LINGO1: variants seen among roughly 807,000 people sequenced by gnomAD.
LINGO1 encodes the protein leucine-rich repeat and immunoglobulin-like domain-containing nogo receptor-interacting protein 1.
LINGO1 carries 11 observed loss-of-function variants against 37.3 expected under a neutral mutation model. The observed-to-expected ratio is 0.29, with a 90% confidence interval of 0.19 to 0.49. LINGO1 has a LOEUF of 0.49. Ranked by LOEUF, LINGO1 falls within the 20% of genes least tolerant of loss-of-function variation. The probability of loss-of-function intolerance (pLI) is 0.99; values close to 1 mark genes in which losing one functional copy is unlikely to be tolerated. For missense variants in LINGO1, 585 were observed against 878.2 expected (o/e 0.67, Z 4.22); for synonymous variants, 387 against 403.0 (o/e 0.96, Z 0.48).
intron 3 of LINGO1, chr15:77,668,075 G>C (rs1302754547): frequency 1.3e-5 from 2 of 152,264 alleles, no homozygotes; most frequent in Non-Finnish European, 2.9e-5. Flanking sequence ...GACAATTCCA[G>C]TCCTGCCTAC....
upstream of LINGO1, among the ~76,000 whole-genome samples, chr15:77,637,865 A>G (rs563294174): frequency 5.3e-5 from 8 of 152,196 alleles, no homozygotes; most frequent in Non-Finnish European, 1.2e-4. The surrounding 1 kb of genome is among the most constrained non-coding windows in gnomAD (Gnocchi z 4.6). Context: ...GATGTCTACA[A>G]ATTACACCTG....
chr15:77,621,613 C>A (rs892614012), intron 1 of LINGO1, among the ~76,000 whole-genome samples: 1 of 152,160 alleles, frequency 6.6e-6, no homozygotes, highest in African/African-American at 2.4e-5. Flanking sequence ...TAGGGTGAGG[C>A]CCCAGGGCTG....
rs1231652800 is a variant in LINGO1 at position 77,797,477 on chromosome 15, T to C, written c.-457-1424A>G. 5.9e-5 allele frequency among the ~76,000 whole-genome samples: 9 copies of C among 152,194 alleles called. 1 individual carries two copies. The highest frequency in any genetic ancestry group is 5.9e-4 in the Admixed American group (9 of 15,288). On this transcript the variant is annotated intron_variant, in intron 1 of 5. Transcript: ENST00000562933. The stretch of plus-strand genomic sequence containing the variant: ...CCGGATGTGTGCTTGGGGAGCATTG[T>C]GGTAATCCACCTTCAAACGAAAGTC...
intron 1 of LINGO1, among the ~76,000 whole-genome samples, chr15:77,621,548 G>C (rs1275448694): frequency 6.6e-6 from 1 of 152,162 alleles, no homozygotes; most frequent in Non-Finnish European, 1.5e-5. Context: ...GTGCGACACA[G>C]GGCTTAGACT....
intron 1 of LINGO1, among the ~76,000 whole-genome samples, chr15:77,764,745 G>A (rs1183042670): frequency 6.6e-6 from 1 of 152,184 alleles, no homozygotes; most frequent in East Asian, 1.9e-4. Context: ...AGCACTGGGG[G>A]GAACGATTTG....
chr15:77,815,955 C>T (rs1731366922), intron 1 of LINGO1, among the ~76,000 whole-genome samples: 1 of 152,192 alleles, frequency 6.6e-6, no homozygotes, highest in Non-Finnish European at 1.5e-5. Context: ...CCAGCGCTTC[C>T]CACCTCCATG....
At chr15:77,740,827 C>T (rs1005058421) in intron 1 of LINGO1, among the ~76,000 whole-genome samples, 2 of 152,188 alleles carry the variant, frequency 1.3e-5, no homozygotes, top group Non-Finnish European at 2.9e-5. Flanking sequence ...TAACCTTCAA[C>T]CCCCAAAAGG....
chr15:77,780,851 C>T (rs1015028718), intron 1 of LINGO1, among the ~76,000 whole-genome samples: 4 of 152,174 alleles, frequency 2.6e-5, no homozygotes, highest in Non-Finnish European at 5.9e-5. Context: ...CCTCTGACCC[C>T]GACCATGCCG....
intron 3 of LINGO1, chr15:77,646,492 C>G: frequency 2.2e-6 from 1 of 454,920 alleles, no homozygotes; most frequent in Non-Finnish European, 4.4e-6. Context: ...TTCTTCCCTC[C>G]TCTCTGCACC....
intron 3 of LINGO1, among the ~76,000 whole-genome samples, chr15:77,671,815 G>A (rs1333508078): frequency 2.0e-5 from 3 of 152,212 alleles, no homozygotes; most frequent in East Asian, 3.9e-4. Flanking sequence ...TGGCCCCCAG[G>A]AAACTGGAGG....
upstream of LINGO1, among the ~76,000 whole-genome samples, chr15:77,699,524 C>A (rs1029690954): frequency 7.0e-4 from 1 of 1,422 alleles, no homozygotes; most frequent in African/African-American, 2.5e-3. Flanking sequence ...ATACTATTAT[C>A]CCCACACACA....
chr15:77,650,475 A>T (rs570684630), intron 3 of LINGO1, among the ~76,000 whole-genome samples: 58 of 152,272 alleles, frequency 3.8e-4, no homozygotes, highest in South Asian at 2.1e-4. Flanking sequence ...GGCATCCAGC[A>T]GGGGGCAGCC....
intron 1 of LINGO1, among the ~76,000 whole-genome samples, chr15:77,757,765 C>A (rs951989710): frequency 6.6e-6 from 1 of 152,168 alleles, no homozygotes; most frequent in African/African-American, 2.4e-5. Flanking sequence ...GCACCATAGG[C>A]CTCCTAGCTT....
At chr15:77,814,988 T>C (rs984539262) in intron 1 of LINGO1, among the ~76,000 whole-genome samples, 5 of 152,218 alleles carry the variant, frequency 3.3e-5, no homozygotes, top group African/African-American at 1.2e-4. Context: ...GTCCTGGGCA[T>C]GGAGCTGCCT....
rs142226271 is a variant in LINGO1 at position 77,677,842 on chromosome 15, A to T, written c.-98-668T>A. ...CCTCCCTCCACCCTCCTCCCAGACCATCCTGCCCACAACTGTGCTTCAATC... is the reference window on the plus strand; with the variant it reads ...CCTCCCTCCACCCTCCTCCCAGACCTTCCTGCCCACAACTGTGCTTCAATC... On this transcript the variant is annotated intron_variant, in intron 2 of 3. Transcript: ENST00000559893. Among the ~76,000 whole-genome samples, 1,007 of 151,084 alleles carry T rather than the reference A, an allele frequency of 6.7e-3. 6 individuals carry two copies. Among genetic ancestry groups the T allele is most frequent in the Non-Finnish European group, 0.011 (725 of 67,708 alleles).
intron 1 of LINGO1, among the ~76,000 whole-genome samples, chr15:77,805,993 G>A (rs2076956519): frequency 6.6e-6 from 1 of 152,172 alleles, no homozygotes; most frequent in Non-Finnish European, 1.5e-5. Flanking sequence ...CCCCGGCAGA[G>A]GGCTTTGGCG....
intron 1 of LINGO1, among the ~76,000 whole-genome samples, chr15:77,751,464 G>A (rs566427136): frequency 5.3e-5 from 8 of 152,218 alleles, no homozygotes; most frequent in Non-Finnish European, 1.0e-4. Flanking sequence ...ATGGGAGTGA[G>A]CATAAGACCT....
intron 2 of LINGO1, among the ~76,000 whole-genome samples, chr15:77,688,558 G>A (rs903221758): frequency 6.6e-6 from 1 of 152,148 alleles, no homozygotes; most frequent in South Asian, 2.1e-4. Flanking sequence ...GTTGCTTGGG[G>A]ACAGGCTCAA....
At chr15:77,676,401 T>C (rs2075328263) in intron 3 of LINGO1, among the ~76,000 whole-genome samples, 1 of 152,250 alleles carries the variant, frequency 6.6e-6, no homozygotes, top group Non-Finnish European at 1.5e-5. Context: ...TTGTTGTCTA[T>C]CTGAAGTTCA....
Sources: allele counts gnomAD v4.1 joint callset (sites outside exome capture counted in the v4.1 genomes callset), GRCh38; gene constraint gnomAD v4.1.1; non-coding constraint Gnocchi (gnomAD v3.1); transcripts MANE v1.5; gene names NCBI Gene and HGNC (gene_info 2026-07-23, HGNC 2026-07-21).